COG5: variants seen among roughly 807,000 people sequenced by gnomAD.
COG5 encodes conserved oligomeric Golgi complex subunit 5.
COG5 carries 86 observed loss-of-function variants against 110.4 expected under a neutral mutation model. The observed-to-expected ratio is 0.78, with a 90% CI of 0.65 to 0.93. COG5 has a LOEUF of 0.93. COG5 is among the 40% of genes least tolerant of loss of function. COG5 has a pLI of 0.00. For synonymous variants in COG5, 360 were observed against 334.6 expected (o/e 1.08, Z -0.83); for missense variants, 1,077 against 987.0 (o/e 1.09, Z -1.22).
chr7:107,216,775 A>G (rs1487674211), intron 19 of COG5, among the ~76,000 whole-genome samples: 1 of 152,194 alleles, frequency 6.6e-6, no homozygotes, highest in African/African-American at 2.4e-5. Context: ...AATTTATAGC[A>G]ACAAATACTT....
intron 6 of COG5, chr7:107,471,342 T>C (rs1445767758): frequency 1.3e-5 from 2 of 152,174 alleles, no homozygotes; most frequent in East Asian, 3.9e-4. Context: ...AAAAACCCTA[T>C]TTCTTAACCA....
chr7:107,426,584 G>A (rs903421461), intron 6 of COG5, among the ~76,000 whole-genome samples: 2 of 152,216 alleles, frequency 1.3e-5, no homozygotes, highest in Non-Finnish European at 2.9e-5. Context: ...GGCTCTCTGG[G>A]ATCCCTTTTT....
At chr7:107,211,503 T>C (rs932977235) in intron 19 of COG5, among the ~76,000 whole-genome samples, 1 of 152,178 alleles carries the variant, frequency 6.6e-6, no homozygotes, top group African/African-American at 2.4e-5. Flanking sequence ...AAGCTCCTTA[T>C]AAAGTTCATC....
intron 7 of COG5, 106 bp downstream of exon 7, chr7:107,412,396 T>C: frequency 2.9e-6 from 3 of 1,021,056 alleles, no homozygotes; most frequent in Non-Finnish European, 4.5e-6. Flanking sequence ...ACTTTCTCAG[T>C]GATATATTAC....
chr7:107,371,487 T>C (rs1379990569), intron 8 of COG5, among the ~76,000 whole-genome samples: 2 of 152,122 alleles, frequency 1.3e-5, no homozygotes, highest in Non-Finnish European at 2.9e-5. Context: ...AGCCACTTTT[T>C]TTCCTATTAG....
chr7:107,510,178 G>A (rs1016990763), intron 6 of COG5, among the ~76,000 whole-genome samples: 1 of 151,890 alleles, frequency 6.6e-6, no homozygotes, highest in Non-Finnish European at 1.5e-5. Flanking sequence ...ACACACATAG[G>A]CTCAAAATAA....
intron 5 of COG5, among the ~76,000 whole-genome samples, chr7:107,541,408 G>T (rs1453456980): frequency 7.1e-6 from 1 of 141,598 alleles, no homozygotes; most frequent in Non-Finnish European, 1.5e-5. Flanking sequence ...GAGATGGGAG[G>T]ATAGCTTGGG....
intron 14 of COG5, among the ~76,000 whole-genome samples, chr7:107,259,041 T>C (rs1803109370): frequency 6.6e-6 from 1 of 152,144 alleles, no homozygotes; most frequent in South Asian, 2.1e-4. Flanking sequence ...AAAAACTTTC[T>C]ACACTTGACC....
chr7:107,483,814 G>A (rs1287784574), intron 6 of COG5, among the ~76,000 whole-genome samples: 1 of 151,744 alleles, frequency 6.6e-6, no homozygotes, highest in Non-Finnish European at 1.5e-5. Flanking sequence ...GATAAACAGT[G>A]GCTTTAGTAT....
At chr7:107,416,363 T>C (rs1792846495) in intron 6 of COG5, among the ~76,000 whole-genome samples, 1 of 151,910 alleles carries the variant, frequency 6.6e-6, no homozygotes, top group South Asian at 2.1e-4. Flanking sequence ...ACAATGAATC[T>C]CAATAACATA....
At chr7:107,276,803 A>G (rs973711451) in intron 14 of COG5, among the ~76,000 whole-genome samples, 2 of 152,228 alleles carry the variant, frequency 1.3e-5, no homozygotes, top group Non-Finnish European at 2.9e-5. Context: ...TATTACACCT[A>G]TAGGTATATG....
intron 7 of COG5, among the ~76,000 whole-genome samples, chr7:107,397,257 T>C (rs905290765): frequency 2.0e-5 from 3 of 152,218 alleles, no homozygotes; most frequent in African/African-American, 4.8e-5. Flanking sequence ...GCCCCACCTC[T>C]GTACCTTGAA....
At chr7:107,211,332 C>T in intron 19 of COG5, 107 bp from the exon 20 acceptor site, 1 of 1,293,116 alleles carries the variant, frequency 7.7e-7, no homozygotes, top group South Asian at 1.2e-5. Context: ...AGATTGGCTA[C>T]TGAAGGAGCC....
intron 11 of COG5, among the ~76,000 whole-genome samples, chr7:107,312,351 A>G (rs577731802): frequency 4.8e-4 from 73 of 152,362 alleles, no homozygotes; most frequent in Middle Eastern, 3.4e-3. Flanking sequence ...AGAGGTAGGC[A>G]GAAGCTTTTT....
chr7:107,395,929 A>G (rs1343655003), intron 7 of COG5, among the ~76,000 whole-genome samples: 1 of 152,180 alleles, frequency 6.6e-6, no homozygotes, highest in Non-Finnish European at 1.5e-5. Flanking sequence ...TTTTCAGGTA[A>G]ACTTAAGACA....
At chr7:107,433,796 C>T (rs1794183105) in intron 6 of COG5, among the ~76,000 whole-genome samples, 1 of 151,638 alleles carries the variant, frequency 6.6e-6, no homozygotes. Flanking sequence ...AAATCACAGG[C>T]AAAAAAAGTT....
intron 16 of COG5, among the ~76,000 whole-genome samples, chr7:107,254,195 T>C (rs1802719553): frequency 6.6e-6 from 1 of 152,206 alleles, no homozygotes; most frequent in Non-Finnish European, 1.5e-5. Context: ...GACTGTTATA[T>C]GTCTATATCT....
chr7:107,553,777 A>G (rs1007355241), intron 3 of COG5, among the ~76,000 whole-genome samples: 2 of 152,224 alleles, frequency 1.3e-5, no homozygotes, highest in Non-Finnish European at 2.9e-5. Context: ...AAAGGCAAAA[A>G]TAAGAAAAAA....
At chr7:107,495,130 C>G (rs2129131436) in intron 6 of COG5, among the ~76,000 whole-genome samples, 1 of 152,242 alleles carries the variant, frequency 6.6e-6, no homozygotes, top group South Asian at 2.1e-4. Flanking sequence ...CAGTGCACAG[C>G]TATAATGGCA....
Sources: gnomAD v4.1 joint callset for allele counts (sites outside exome capture counted in the v4.1 genomes callset) on GRCh38, gnomAD v4.1.1 for gene constraint, MANE v1.5 for transcripts, NCBI Gene and HGNC (gene_info 2026-07-23, HGNC 2026-07-21) for gene names.